Variants in SESN1 observed in about 807,000 individuals in gnomAD.
SESN1 encodes sestrin-1.
In SESN1, 30 loss-of-function variants were observed where a neutral mutation model predicts 59.3. That is an observed-to-expected ratio of 0.51 (90% confidence interval 0.38 to 0.69). SESN1 has a LOEUF of 0.69. Among genes scored for constraint, SESN1 ranks in the 30% least tolerant of loss-of-function variants. The pLI is 0.00. For synonymous variants in SESN1, 197 were observed against 219.9 expected, an observed-to-expected ratio of 0.90 and a Z score of 0.92; for missense variants, 566 against 673.0, an observed-to-expected ratio of 0.84 and a Z score of 1.76.
chr6:109,038,649 T>C (rs1780282761), intron 1 of SESN1, among the ~76,000 whole-genome samples: 1 of 152,234 alleles, frequency 6.6e-6, no homozygotes, highest in South Asian at 2.1e-4. Flanking sequence ...GGGCATATGC[T>C]CTGAGTGGGA....
rs71015570 is a variant in SESN1, at chr6:109,044,311, C to CAAA, written c.280-41971_280-41969dup. Among the ~76,000 whole-genome samples, 26 of 28,458 alleles carry CAAA rather than the reference C, an allele frequency of 9.1e-4. 6 individuals are homozygous for CAAA. The highest frequency in any genetic ancestry group is 7.7e-3 in the East Asian group (3 of 388). 18.7% of individuals were successfully genotyped at this position (28,458 alleles called of 152,430 possible). A position where few individuals can be genotyped will look rare whatever the true frequency, so the allele number is the denominator to read the frequency against. Reference sequence around the variant, plus strand: ...TAGATGACACAGTGAGAACTTGCCTCAAAAAAAAAAAAAAAAAAAAAAAAA... The same window carrying CAAA: ...TAGATGACACAGTGAGAACTTGCCTCAAAAAAAAAAAAAAAAAAAAAAAAAAAA... On this transcript the variant is annotated intron_variant, in intron 1 of 9. Transcript: ENST00000436639.
intron 6 of SESN1, 52 bp from the exon 7 acceptor site, chr6:108,992,951 T>C (rs1359140602): frequency 6.6e-6 from 8 of 1,218,268 alleles, no homozygotes; most frequent in African/African-American, 1.5e-5. Flanking sequence ...CTAGTTAAAA[T>C]TGATTTTACC....
chr6:109,010,513 CAGGACTCAT>C (rs1398386161), intron 1 of SESN1, among the ~76,000 whole-genome samples: 1 of 152,186 alleles, frequency 6.6e-6, no homozygotes, highest in Non-Finnish European at 1.5e-5. Flanking sequence ...GGCCACAGAA[CAGGACTCAT>C]AAATGAAAAT....
chr6:109,068,822 G>A (rs1489587908), intron 1 of SESN1, among the ~76,000 whole-genome samples: 3 of 151,374 alleles, frequency 2.0e-5, no homozygotes, highest in Non-Finnish European at 4.4e-5. Flanking sequence ...CTGGGTTCAA[G>A]CAATTCTCCT....
intron 1 of SESN1, among the ~76,000 whole-genome samples, chr6:109,074,592 C>T (rs1341486335): frequency 6.6e-6 from 1 of 152,268 alleles, no homozygotes; most frequent in East Asian, 1.9e-4. Context: ...AAAATTATTT[C>T]ATCTGTTCCT....
At chr6:109,023,068 T>C (rs1258156753) in intron 1 of SESN1, among the ~76,000 whole-genome samples, 1 of 152,152 alleles carries the variant, frequency 6.6e-6, no homozygotes, top group Non-Finnish European at 1.5e-5. Flanking sequence ...CCCAAATCAG[T>C]AGAACAGTAT....
chr6:108,988,540 T>C lies in SESN1; in HGVS notation c.1569+3A>G. ...AAGTAAATAAGCCACAATAGGCACA[T>C]ACCTTCTCAGAGTGCTTGAACTGCC... is the stretch of plus-strand genomic sequence containing the variant. On this transcript the variant is annotated splice_donor_region_variant and intron_variant, in intron 9 of 9. Transcript: ENST00000436639. 3 of 1,606,094 alleles carry C rather than the reference T, an allele frequency of 1.9e-6. No homozygotes were observed. The highest frequency in any genetic ancestry group is 1.1e-5 in the South Asian group (1 of 89,194).
At chr6:109,088,298 G>A (rs1562478150) in intron 1 of SESN1, 1 of 152,090 alleles carries the variant, frequency 6.6e-6, no homozygotes, top group Non-Finnish European at 1.5e-5. Flanking sequence ...TTGAGCCAAT[G>A]AATCAATCAA....
At chr6:109,063,670 T>C (rs1470107425) in intron 1 of SESN1, among the ~76,000 whole-genome samples, 1 of 152,198 alleles carries the variant, frequency 6.6e-6, no homozygotes, top group Non-Finnish European at 1.5e-5. Context: ...ATCCTTTTGC[T>C]TTTAAGCTTT....
rs1781396287 is a variant in SESN1, at chr6:109,093,867, C to T, written c.207G>A (p.Leu69=). 1 of 1,614,078 alleles carries T rather than the reference C, an allele frequency of 6.2e-7. No homozygotes were observed. Among genetic ancestry groups the T allele is most frequent in the Admixed American group, 1.7e-5 (1 of 60,006 alleles). The part of the protein sequence containing the change: ...SDGLNKLLAH[L]LMLSKRCPFK... ...AGGGACACCTCTTAGAAAGCATAAGCAGATGAGCAAGTAGCTTATTCAACC... is the reference window on the plus strand; with the variant it reads ...AGGGACACCTCTTAGAAAGCATAAGTAGATGAGCAAGTAGCTTATTCAACC... The change falls in exon 1 of 10, where the codon CTG becomes CTA. Residue 69 remains leucine, a synonymous_variant. Transcript: ENST00000436639.
chr6:109,091,476 C>G (rs1781317062), intron 1 of SESN1, among the ~76,000 whole-genome samples: 1 of 152,204 alleles, frequency 6.6e-6, no homozygotes, highest in Non-Finnish European at 1.5e-5. Context: ...ACGCCACCCT[C>G]AAACTGTCTG....
chr6:109,023,597 A>G (rs778652354), intron 1 of SESN1, among the ~76,000 whole-genome samples: 11 of 152,190 alleles, frequency 7.2e-5, no homozygotes, highest in Non-Finnish European at 1.6e-4. Context: ...TTGGGGAAGT[A>G]TGTTTGGGGA....
At chr6:109,051,127 G>A (rs985644480) in intron 1 of SESN1, among the ~76,000 whole-genome samples, 7 of 151,548 alleles carry the variant, frequency 4.6e-5, no homozygotes, top group African/African-American at 1.7e-4. Context: ...AACTTCAGAA[G>A]CAAACAGGAA....
At chr6:109,027,175 CAATAA>C (rs1780108717) in intron 1 of SESN1, among the ~76,000 whole-genome samples, 2 of 151,286 alleles carry the variant, frequency 1.3e-5, no homozygotes. Flanking sequence ...GTCTAAAAAA[CAATAA>C]AATACATCTT....
intron 1 of SESN1, among the ~76,000 whole-genome samples, chr6:109,060,421 AT>A (rs1051794526): frequency 4.3e-4 from 65 of 152,308 alleles, no homozygotes; most frequent in African/African-American, 1.5e-3. Context: ...GACATGCTTG[AT>A]TTGACCTGCC....
intron 1 of SESN1, among the ~76,000 whole-genome samples, chr6:109,040,572 C>G (rs897931734): frequency 5.0e-4 from 76 of 152,084 alleles, no homozygotes; most frequent in African/African-American, 1.8e-3. Flanking sequence ...TAAATTAAAA[C>G]AGGAATTCTT....
At chr6:108,989,281 G>A (rs1163103158) in intron 8 of SESN1, among the ~76,000 whole-genome samples, 2 of 152,168 alleles carry the variant, frequency 1.3e-5, no homozygotes, top group Non-Finnish European at 2.9e-5. Flanking sequence ...GGGATTATGG[G>A]CGTGAGCCAC....
rs1404332459 is a variant in SESN1 at position 108,985,255 on chromosome 6, T to C, written c.*2289A>G. ...TTCTTAGAGATGATAAAGTTTGGCC[T>C]AATAAAAAATTTTCCCAAATACGGC... On this transcript the variant is annotated 3_prime_UTR_variant, in exon 10 of 10. Transcript: ENST00000436639. Among the ~76,000 whole-genome samples the C allele has an allele frequency of 6.6e-6, 1 of 151,980 alleles. No individual in the cohort carries two copies. The highest frequency in any genetic ancestry group is 2.4e-5 in the African/African-American group (1 of 41,416).
intron 1 of SESN1, among the ~76,000 whole-genome samples, chr6:109,014,039 A>G (rs1779898646): frequency 6.6e-6 from 1 of 151,496 alleles, no homozygotes; most frequent in African/African-American, 2.4e-5. Context: ...AATTTTTAGA[A>G]TTATATCACT....
Sources: gnomAD v4.1 joint callset for allele counts (sites outside exome capture counted in the v4.1 genomes callset) on GRCh38, gnomAD v4.1.1 for gene constraint, MANE v1.5 for transcripts, NCBI Gene and HGNC (gene_info 2026-07-23, HGNC 2026-07-21) for gene names.